The following CCDC91 variants were observed in gnomAD, a reference collection of about 807,000 sequenced individuals.
CCDC91 encodes coiled-coil domain-containing protein 91.
Under a neutral mutation model 63.2 loss-of-function variants are expected in CCDC91, and 48 were observed. The ratio of observed to expected loss-of-function variants is 0.76; its 90% CI spans 0.60 to 0.97. The LOEUF is 0.97. Ranked by LOEUF, CCDC91 falls within the 50% of genes least tolerant of loss-of-function variation. The probability of loss-of-function intolerance (pLI) is 0.00; values close to 1 mark genes in which losing one functional copy is unlikely to be tolerated. For missense variants in CCDC91, 500 were observed against 494.6 expected, an observed-to-expected ratio of 1.01 and a Z score of -0.10; for synonymous variants, 167 against 165.8, an observed-to-expected ratio of 1.01 and a Z score of -0.06.
Position 28,548,923 on chromosome 12 carries a change from C to G in CCDC91, c.1216-140C>G. On this transcript the variant is annotated intron_variant, in intron 12 of 12. Transcript: ENST00000536442. ...CAGAAAGAGTGACTTTACTGTCATT[C>G]AGTTGAAAGTACTATTTGATTTCCT... The G allele has an allele frequency of 7.1e-6, 4 of 564,422 alleles. No individual in the cohort carries two copies. The South Asian group carries it at 1.1e-4, about 15-fold the overall frequency. 35.0% of individuals were successfully genotyped at this position (564,422 alleles called of 1,614,324 possible). A position where few individuals can be genotyped will look rare whatever the true frequency, so the allele number is the denominator to read the frequency against.
At chr12:28,209,186 T>G (rs773845046) in intron 1 of CCDC91, among the ~76,000 whole-genome samples, 1 of 152,198 alleles carries the variant, frequency 6.6e-6, no homozygotes, top group Non-Finnish European at 1.5e-5. Context: ...ACTATTAATG[T>G]CAATCCCAAT....
intron 3 of CCDC91, among the ~76,000 whole-genome samples, chr12:28,277,274 G>T (rs759564529): frequency 6.6e-6 from 1 of 151,924 alleles, no homozygotes; most frequent in Non-Finnish European, 1.5e-5. Context: ...TACTCATCAT[G>T]AATTCTATAG....
chr12:28,203,348 C>T (rs1456395452), intron 1 of CCDC91, among the ~76,000 whole-genome samples: 2 of 152,074 alleles, frequency 1.3e-5, no homozygotes, highest in Non-Finnish European at 2.9e-5. Context: ...TTTGGAGTTC[C>T]TTAACTCCAC....
At chr12:28,280,645 T>A (rs1180305751) in intron 3 of CCDC91, among the ~76,000 whole-genome samples, 2 of 152,038 alleles carry the variant, frequency 1.3e-5, no homozygotes, top group Admixed American at 6.6e-5. Context: ...TAAAGATAAT[T>A]GCTAATTAAT....
At chr12:28,281,913 T>G (rs1237570553) in intron 3 of CCDC91, among the ~76,000 whole-genome samples, 1 of 152,176 alleles carries the variant, frequency 6.6e-6, no homozygotes, top group Non-Finnish European at 1.5e-5. Context: ...AAAATCTGTT[T>G]GAATATTTCT....
intron 12 of CCDC91, among the ~76,000 whole-genome samples, chr12:28,539,304 C>T (rs1942447639): frequency 6.6e-6 from 1 of 152,136 alleles, no homozygotes; most frequent in African/African-American, 2.4e-5. Flanking sequence ...GGAAGGGATC[C>T]AGTTTCAGCT....
intron 1 of CCDC91, among the ~76,000 whole-genome samples, chr12:28,219,468 ATTT>A (rs752030088): frequency 1.6e-5 from 2 of 121,644 alleles, no homozygotes; most frequent in Admixed American, 8.2e-5. Context: ...CAGTGTAACC[ATTT>A]TTTTTTTTTT....
intron 12 of CCDC91, among the ~76,000 whole-genome samples, chr12:28,512,650 A>G (rs1382840741): frequency 6.6e-6 from 1 of 151,890 alleles, no homozygotes; most frequent in Non-Finnish European, 1.5e-5. Flanking sequence ...TGGTGACCAT[A>G]TGGCCTACTA....
chr12:28,307,800 G>A, intron 6 of CCDC91, 51 bp downstream of exon 6: 1 of 948,782 alleles, frequency 1.1e-6, no homozygotes, highest in African/African-American at 1.7e-5. Context: ...GATGAAGCAT[G>A]TGCTATAATT....
At chr12:28,392,442 G>C (rs555180211) in intron 8 of CCDC91, among the ~76,000 whole-genome samples, 1 of 152,130 alleles carries the variant, frequency 6.6e-6, no homozygotes, top group Non-Finnish European at 1.5e-5. Flanking sequence ...TAATTGCGAC[G>C]TGGAACATTA....
chr12:28,248,748 C>G (rs1945926108), intron 1 of CCDC91, among the ~76,000 whole-genome samples: 1 of 152,136 alleles, frequency 6.6e-6, no homozygotes, highest in African/African-American at 2.4e-5. Flanking sequence ...TTGGAGGACA[C>G]TGTATTTGAG....
At chr12:28,232,019 A>G (rs969790936) in intron 1 of CCDC91, among the ~76,000 whole-genome samples, 4 of 152,184 alleles carry the variant, frequency 2.6e-5, no homozygotes, top group Admixed American at 1.3e-4. Context: ...CACTCCAGAA[A>G]GTCTGAAATC....
At chr12:28,396,513 G>A (rs1946293613) in intron 8 of CCDC91, among the ~76,000 whole-genome samples, 1 of 152,062 alleles carries the variant, frequency 6.6e-6, no homozygotes, top group Non-Finnish European at 1.5e-5. Context: ...GAGAATGTTG[G>A]TAGCCCAAAC....
chr12:28,268,902 C>T (rs537211929), intron 3 of CCDC91, among the ~76,000 whole-genome samples: 35 of 152,208 alleles, frequency 2.3e-4, no homozygotes, highest in Admixed American at 4.6e-4. Context: ...TCCTCCCTCC[C>T]TTTACCCCTG....
chr12:28,442,945 G>A (rs969669005), intron 8 of CCDC91, among the ~76,000 whole-genome samples: 3 of 152,016 alleles, frequency 2.0e-5, no homozygotes, highest in Admixed American at 1.3e-4. Context: ...AGAAAGGCCT[G>A]TATAAAATAG....
intron 8 of CCDC91, among the ~76,000 whole-genome samples, chr12:28,395,302 C>T (rs559452720): frequency 6.6e-6 from 1 of 152,300 alleles, no homozygotes; most frequent in Non-Finnish European, 1.5e-5. Context: ...CGGTGTTCTA[C>T]AATTCAATTC....
chr12:28,344,891 C>A (rs1942698629), intron 6 of CCDC91, among the ~76,000 whole-genome samples: 1 of 152,108 alleles, frequency 6.6e-6, no homozygotes, highest in Non-Finnish European at 1.5e-5. Flanking sequence ...TCTGCCTACA[C>A]TGAGTTGAGG....
chr12:28,230,310 T>G (rs1253439306), intron 1 of CCDC91, among the ~76,000 whole-genome samples: 2 of 152,202 alleles, frequency 1.3e-5, no homozygotes, highest in African/African-American at 4.8e-5. Flanking sequence ...ATATTTTTGC[T>G]TCTTGGCTTT....
chr12:28,481,703 C>T (rs12316674), intron 11 of CCDC91, among the ~76,000 whole-genome samples: 38 of 152,020 alleles, frequency 2.5e-4, no homozygotes, highest in African/African-American at 8.7e-4. Context: ...ATAATTTATA[C>T]ACGAGCAGTT....
Sources: allele counts gnomAD v4.1 joint callset (sites outside exome capture counted in the v4.1 genomes callset), GRCh38; gene constraint gnomAD v4.1.1; transcripts MANE v1.5; gene names NCBI Gene and HGNC (gene_info 2026-07-23, HGNC 2026-07-21).